PPEF2: variants seen among roughly 807,000 people sequenced by gnomAD.
PPEF2 encodes the protein serine/threonine-protein phosphatase with EF-hands 2.
In PPEF2, 84 loss-of-function variants were observed where a neutral mutation model predicts 84.7. The observed-to-expected ratio is 0.99, with a 90% CI of 0.83 to 1.19. The LOEUF (loss-of-function observed/expected upper bound fraction) is 1.19, where lower values mean the gene tolerates loss of function less well. PPEF2 is among the 50% of genes most tolerant of loss of function. The pLI is 0.00. For synonymous variants in PPEF2, 346 were observed against 345.2 expected, an observed-to-expected ratio of 1.00 and a Z score of -0.03; for missense variants, 924 against 937.5, an observed-to-expected ratio of 0.99 and a Z score of 0.19.
intron 7 of PPEF2, among the ~76,000 whole-genome samples, chr4:75,885,282 G>A (rs1210890435): frequency 6.6e-6 from 1 of 152,044 alleles, no homozygotes; most frequent in Non-Finnish European, 1.5e-5. Flanking sequence ...TTCTTTATGT[G>A]AAAGAAAGAA....
chr4:75,895,884 T>TAAA (rs34289743), intron 2 of PPEF2, among the ~76,000 whole-genome samples: 1 of 150,444 alleles, frequency 6.6e-6, no homozygotes, highest in African/African-American at 2.4e-5. Flanking sequence ...CCTATTGTTT[T>TAAA]AAAAAAAAAA....
chr4:75,883,735 G>T (rs932193691), intron 8 of PPEF2, among the ~76,000 whole-genome samples: 30 of 144,930 alleles, frequency 2.1e-4, no homozygotes, highest in African/African-American at 6.9e-4. Context: ...GGAGAATGGT[G>T]TGAACCCAGG....
chr4:75,895,460 C>T (rs1460137520), intron 2 of PPEF2, among the ~76,000 whole-genome samples: 7 of 138,318 alleles, frequency 5.1e-5, no homozygotes, highest in East Asian at 4.4e-4. Context: ...AGGTTGGGCA[C>T]GGTGGCTCAC....
intron 13 of PPEF2, among the ~76,000 whole-genome samples, chr4:75,870,233 C>T (rs1206305203): frequency 6.6e-6 from 1 of 152,148 alleles, no homozygotes; most frequent in Non-Finnish European, 1.5e-5. Context: ...CTCCAGGTAC[C>T]AGGGCTCACC....
chr4:75,861,444 G>A (rs1026110461), intron 16 of PPEF2, among the ~76,000 whole-genome samples: 2 of 148,172 alleles, frequency 1.3e-5, no homozygotes, highest in African/African-American at 4.9e-5. Context: ...ACAATGATGG[G>A]GGACAAGCAG....
At chr4:75,893,981 GTATTTTT>G (rs1724952284) in intron 2 of PPEF2, among the ~76,000 whole-genome samples, 2 of 152,100 alleles carry the variant, frequency 1.3e-5, no homozygotes, top group African/African-American at 4.8e-5. Flanking sequence ...ATCCCATCAT[GTATTTTT>G]AATAGCACAA....
At chr4:75,881,186 G>A (rs1724565229) in intron 10 of PPEF2, 1 of 148,774 alleles carries the variant, frequency 6.7e-6, no homozygotes, top group Non-Finnish European at 1.5e-5. Flanking sequence ...CAAAACCTCT[G>A]CCTCCCGGGT....
chr4:75,867,015 T>C (rs1724146798), intron 14 of PPEF2, among the ~76,000 whole-genome samples: 1 of 152,162 alleles, frequency 6.6e-6, no homozygotes, highest in South Asian at 2.1e-4. Flanking sequence ...TTGCCAGTCT[T>C]ATACTCTTAT....
Position 75,860,876 on chromosome 4 carries a change from T to C in PPEF2, c.2053A>G (p.Ser685Gly), listed in dbSNP as rs777237956. ...GTAATGTCGATATTCATGTGAGAGCTGAACAGCTTCCAGGTCTGCCTGAAC... is the reference window on the plus strand; with the variant it reads ...GTAATGTCGATATTCATGTGAGAGCCGAACAGCTTCCAGGTCTGCCTGAAC... Reference protein sequence around the residue: ...DEFRQTWKLFSSHMNIDITDD... With the variant: ...DEFRQTWKLFGSHMNIDITDD... The change falls in exon 17 of 17, where the codon AGC (serine) becomes GGC (glycine). Residue 685 changes from serine (S) to glycine (G), a missense_variant. Physicochemically the swap from Ser to Gly is moderately conservative, Grantham distance 56. Transcript: ENST00000286719. 1.3e-5 allele frequency: 21 copies of C among 1,614,116 alleles called. No homozygotes were observed. The highest frequency in any genetic ancestry group is 1.4e-5 in the Non-Finnish European group (17 of 1,180,038).
chr4:75,863,875 CTT>C (rs1276118881), intron 16 of PPEF2, among the ~76,000 whole-genome samples: 1 of 143,152 alleles, frequency 7.0e-6, no homozygotes, highest in Non-Finnish European at 1.5e-5. Context: ...TTTCTTTCTT[CTT>C]TTTTTTTTTT....
At chr4:75,870,999 C>T (rs568990340) in intron 13 of PPEF2, among the ~76,000 whole-genome samples, 1 of 2,494 alleles carries the variant, frequency 4.0e-4, no homozygotes. Context: ...TCACTGCAAC[C>T]TCCAACCTCC....
intron 11 of PPEF2, 106 bp downstream of exon 11, chr4:75,876,181 A>AG: frequency 1.6e-6 from 2 of 1,274,310 alleles, no homozygotes; most frequent in Non-Finnish European, 2.0e-6. Context: ...TTGTTACCCC[A>AG]GAAAGAGAAA....
intron 1 of PPEF2, among the ~76,000 whole-genome samples, chr4:75,899,079 T>G (rs1427519066): frequency 6.6e-6 from 1 of 152,210 alleles, no homozygotes; most frequent in African/African-American, 2.4e-5. Flanking sequence ...TCAACTTTTT[T>G]AGCTCCCACA....
At position 75,873,146 on chromosome 4, in the gene PPEF2, T is replaced by C; in HGVS notation, c.1487A>G (p.Glu496Gly). Reference sequence around the variant, plus strand: ...ACCCACCTTGCGGTTGTGACAGAATTCATAGCCTTCAGGTTTGCATTCATG... The same window carrying C: ...ACCCACCTTGCGGTTGTGACAGAATCCATAGCCTTCAGGTTTGCATTCATG... ...RSHECKPEGY[E>G]FCHNRKVLTI... Residue 496 changes from glutamate (E) to glycine (G), a missense_variant, in exon 12 of 17, where the codon GAA becomes GGA. Glu to Gly is a moderately conservative substitution (Grantham distance 98). Coordinates refer to ENST00000286719, the MANE Select transcript of PPEF2 (RefSeq NM_006239.3). The C allele has an allele frequency of 1.2e-6, 2 of 1,614,030 alleles. No homozygotes were observed. The highest frequency in any genetic ancestry group is 1.7e-6 in the Non-Finnish European group (2 of 1,179,922).
chr4:75,884,595 G>A lies in PPEF2; in HGVS notation c.745C>T (p.Arg249Ter), dbSNP rs773377671. 1.6e-5 allele frequency: 25 copies of A among 1,591,632 alleles called. No homozygotes were observed. Among genetic ancestry groups the A allele is most frequent in the South Asian group, 4.6e-5 (4 of 86,588 alleles). Residue 249 changes from arginine (R) to a stop codon, truncating the protein, a stop_gained and splice_region_variant, in exon 8 of 17, where the codon CGA (arginine) becomes TGA (stop). Transcript: ENST00000286719. LOFTEE classifies it high-confidence loss of function. ...ACTCAAGCATGTTTTGACTTGTACCGTAAGTTCACCATATGGTCCTCATGG... is the reference window on the plus strand; with the variant it reads ...ACTCAAGCATGTTTTGACTTGTACCATAAGTTCACCATATGGTCCTCATGG... The part of the protein sequence containing the change: ...GNHEDHMVNL[R>*]YGFTKEVMNK...
At chr4:75,889,917 A>G in intron 5 of PPEF2, 40 bp downstream of exon 5, 1 of 1,602,524 alleles carries the variant, frequency 6.2e-7, no homozygotes, top group South Asian at 1.1e-5. Context: ...CACACATTTC[A>G]TGGAGTTGGT....
At chr4:75,868,092 T>G (rs1278005096) in intron 13 of PPEF2, among the ~76,000 whole-genome samples, 4 of 151,566 alleles carry the variant, frequency 2.6e-5, no homozygotes, top group African/African-American at 9.7e-5. Context: ...GGTGGATTCC[T>G]TGAGCCCAGG....
chr4:75,859,906 T>G lies in PPEF2; in HGVS notation c.*761A>C, dbSNP rs1000857986. The G allele has an allele frequency of 4.6e-5, 7 of 152,076 alleles. No homozygotes were observed. Among genetic ancestry groups the G allele is most frequent in the Non-Finnish European group, 8.8e-5 (6 of 68,012 alleles). The allele number at this position is 152,076 out of a possible 1,614,324, so 9.4% of individuals were successfully genotyped here. A position where few individuals can be genotyped will look rare whatever the true frequency, so the allele number is the denominator to read the frequency against. ...AGATATTAATTTATTTTTTTAAAAGTAGAACATAAAATTATATAAACACTA... is the reference window on the plus strand; with the variant it reads ...AGATATTAATTTATTTTTTTAAAAGGAGAACATAAAATTATATAAACACTA... On this transcript the variant is annotated 3_prime_UTR_variant, in exon 17 of 17. Coordinates refer to ENST00000286719, the MANE Select transcript of PPEF2 (RefSeq NM_006239.3).
chr4:75,874,231 A>T (rs1464774505), intron 11 of PPEF2, among the ~76,000 whole-genome samples: 1 of 152,198 alleles, frequency 6.6e-6, no homozygotes, highest in African/African-American at 2.4e-5. Context: ...AATAACTGCC[A>T]GTCATACAAT....
Sources: allele counts gnomAD v4.1 joint callset (sites outside exome capture counted in the v4.1 genomes callset), GRCh38; gene constraint gnomAD v4.1.1; transcripts MANE v1.5; gene names NCBI Gene and HGNC (gene_info 2026-07-23, HGNC 2026-07-21).